LRRC75A: variants seen among roughly 807,000 people sequenced by gnomAD.
The protein encoded by LRRC75A is leucine-rich repeat-containing protein 75A.
LRRC75A carries 12 observed loss-of-function variants against 26.0 expected under a neutral mutation model. The observed-to-expected ratio is 0.46, with a 90% confidence interval of 0.30 to 0.75. LRRC75A has a LOEUF of 0.75. LRRC75A is among the 30% of genes least tolerant of loss of function. The pLI is 0.08. For missense variants in LRRC75A, 410 were observed against 486.6 expected (o/e 0.84, Z 1.48); for synonymous variants, 223 against 219.3 (o/e 1.02, Z -0.15).
In LRRC75A at chr17:16,446,693, GTGTGGGGAA is replaced by G. The variant is rs2143010511; in HGVS notation, c.491+1143_491+1151del. 2.0e-5 allele frequency among the ~76,000 whole-genome samples: 3 copies of G among 152,232 alleles called. No homozygotes were observed. In the South Asian group the frequency reaches 6.2e-4, roughly 32 times the overall value. On this transcript the variant is annotated intron_variant, in intron 3 of 3. Coordinates refer to ENST00000470794, the MANE Select transcript of LRRC75A (RefSeq NM_001113567.3). ...TGAAGAATGGACTGAGCATGGGTGT[GTGTGGGGAA>G]CCAGGAGAGGCCCTTAGGTTCCAGC...
At chr17:16,451,989 C>T (rs954414663) in intron 2 of LRRC75A, among the ~76,000 whole-genome samples, 16 of 150,848 alleles carry the variant, frequency 1.1e-4, no homozygotes, top group South Asian at 4.2e-4. Context: ...CCTTGTGATC[C>T]GCCCGCCTCG....
In LRRC75A at chr17:16,491,659, C is replaced by T. The variant is rs939451926; in HGVS notation, c.246+86G>A. 1 of 1,034,504 alleles carries T rather than the reference C, an allele frequency of 9.7e-7. No individual in the cohort carries two copies. The highest frequency in any genetic ancestry group is 1.2e-6 in the Non-Finnish European group (1 of 813,446). The allele number at this position is 1,034,504 out of a possible 1,614,324, so 64.1% of individuals were successfully genotyped here. On this transcript the variant is annotated intron_variant, in intron 1 of 3. Transcript: ENST00000470794. The surrounding 1 kb of genome is among the most constrained non-coding windows in gnomAD (Gnocchi z 5.9). ...GGGCGGTGCCCCTCGGTGCCCCCGG[C>T]TTCCTCGGTTAGGGATGGGGCGCCC...
At chr17:16,472,951 G>T (rs966090856) in intron 1 of LRRC75A, among the ~76,000 whole-genome samples, 2 of 152,112 alleles carry the variant, frequency 1.3e-5, no homozygotes, top group East Asian at 1.9e-4. Flanking sequence ...GATATTTAAA[G>T]AAATTTAATT....
At chr17:16,473,746 C>T (rs940623381) in intron 1 of LRRC75A, among the ~76,000 whole-genome samples, 2 of 152,214 alleles carry the variant, frequency 1.3e-5, no homozygotes, top group Non-Finnish European at 2.9e-5. Context: ...GACTCTCCCA[C>T]CTGTCCAAGG....
In LRRC75A at chr17:16,468,243, A is replaced by G. The variant is rs554817611; in HGVS notation, c.247-5857T>C. Among the ~76,000 whole-genome samples the G allele has an allele frequency of 4.6e-5, 7 of 152,344 alleles. No homozygotes were observed. In the East Asian group the frequency reaches 1.2e-3, roughly 25 times the overall value. ...ATACCCCAAAGAACTGAAAGCAGGC[A>G]CTCAAACAGCAGCTATGTTTCCAGC... On this transcript the variant is annotated intron_variant, in intron 1 of 3. Transcript: ENST00000470794.
intron 3 of LRRC75A, 113 bp downstream of exon 3, chr17:16,447,732 C>T: frequency 1.3e-6 from 1 of 766,448 alleles, no homozygotes; most frequent in Non-Finnish European, 2.0e-6. Flanking sequence ...CTTCAGGCAG[C>T]TTCTATGACC....
chr17:16,488,013 C>T (rs758566831), intron 1 of LRRC75A, among the ~76,000 whole-genome samples: 8 of 152,226 alleles, frequency 5.3e-5, no homozygotes, highest in African/African-American at 9.7e-5. Context: ...GGGAAACAGA[C>T]GCCTTTTTCT....
chr17:16,488,588 G>A (rs2093851462), intron 1 of LRRC75A, among the ~76,000 whole-genome samples: 1 of 152,236 alleles, frequency 6.6e-6, no homozygotes, highest in Non-Finnish European at 1.5e-5. Flanking sequence ...ACACAACTCA[G>A]AGAGGTTATC....
rs998021314 is a variant in LRRC75A at position 16,443,233 on chromosome 17, G to A, written c.*355C>T. 7.7e-6 allele frequency: 2 copies of A among 259,370 alleles called. No homozygotes were observed. The highest frequency in any genetic ancestry group is 1.5e-5 in the Non-Finnish European group (2 of 136,264). 16.1% of individuals were successfully genotyped at this position (259,370 alleles called of 1,614,324 possible). A position where few individuals can be genotyped will look rare whatever the true frequency, so the allele number is the denominator to read the frequency against. On this transcript the variant is annotated 3_prime_UTR_variant, in exon 4 of 4. Transcript: ENST00000470794. ...GGGCCCTACTGTATTCTTTTTCTGG[G>A]GGAAAGCTCTTGGTGTTCACAATGG...
At chr17:16,448,230 T>G in intron 2 of LRRC75A, 1 of 420,750 alleles carries the variant, frequency 2.4e-6, no homozygotes, top group Non-Finnish European at 4.5e-6. Flanking sequence ...AAAAGTTGGC[T>G]GGAGCCAAGT....
At chr17:16,468,042 C>T (rs1428263523) in intron 1 of LRRC75A, among the ~76,000 whole-genome samples, 1 of 152,172 alleles carries the variant, frequency 6.6e-6, no homozygotes, top group East Asian at 1.9e-4. Flanking sequence ...CAAAAAGCCC[C>T]GTAAAATCCC....
intron 1 of LRRC75A, among the ~76,000 whole-genome samples, chr17:16,471,530 G>C (rs1369291464): frequency 6.6e-6 from 1 of 152,210 alleles, no homozygotes; most frequent in African/African-American, 2.4e-5. Flanking sequence ...CCTCAGCCAA[G>C]AGCACAGCTG....
rs1038104570 is a variant in LRRC75A, at chr17:16,442,442, C to G, written c.*1146G>C. ...TCTTCCTGGACTGAACTACTTGGAT[C>G]TAGGGGTTGCCTGTTATTTAGAAGA... is the stretch of plus-strand genomic sequence containing the variant. On this transcript the variant is annotated 3_prime_UTR_variant, in exon 4 of 4. Coordinates refer to ENST00000470794, the MANE Select transcript of LRRC75A (RefSeq NM_001113567.3). 4 of 152,258 alleles carry G rather than the reference C, an allele frequency of 2.6e-5. No homozygotes were observed. Among genetic ancestry groups the G allele is most frequent in the African/African-American group, 9.6e-5 (4 of 41,456 alleles). 9.4% of individuals were successfully genotyped at this position (152,258 alleles called of 1,614,324 possible).
chr17:16,485,306 T>C (rs975695013), intron 1 of LRRC75A, among the ~76,000 whole-genome samples: 1 of 152,154 alleles, frequency 6.6e-6, no homozygotes, highest in Non-Finnish European at 1.5e-5. Flanking sequence ...AAGGTGATGG[T>C]ATCGGGAGGT....
intron 1 of LRRC75A, among the ~76,000 whole-genome samples, chr17:16,484,249 T>C (rs192141958): frequency 1.1e-3 from 164 of 152,208 alleles, no homozygotes; most frequent in Admixed American, 2.2e-3. Flanking sequence ...GGCAGGAGAA[T>C]TGCTTGAACC....
At chr17:16,451,482 G>C (rs575524466) in intron 2 of LRRC75A, among the ~76,000 whole-genome samples, 2 of 151,946 alleles carry the variant, frequency 1.3e-5, no homozygotes, top group South Asian at 4.1e-4. Flanking sequence ...TTAGCTGGGC[G>C]TGACGGCGGG....
intron 3 of LRRC75A, chr17:16,447,178 T>C (rs367736881): frequency 3.4e-5 from 8 of 236,190 alleles, no homozygotes; most frequent in South Asian, 2.7e-4. Context: ...CTTCCTACGG[T>C]GTTATCACAG....
chr17:16,443,735 GGGTAGGT>G lies in LRRC75A; in HGVS notation c.881_887del (p.His294ProfsTer21), dbSNP rs1334966269. The G allele has an allele frequency of 1.2e-6, 2 of 1,613,692 alleles. No homozygotes were observed. The highest frequency in any genetic ancestry group is 1.7e-6 in the Non-Finnish European group (2 of 1,179,806). On this transcript the variant is annotated frameshift_variant, in exon 4 of 4. Transcript: ENST00000470794. LOFTEE classifies it high-confidence loss of function. ...GGCCCTCACCCAGCTCCAGGATGGT[GGGTAGGT>G]GGCCCTGCTTTGGGGAGCGCTTGCG... is the stretch of plus-strand genomic sequence containing the variant.
chr17:16,490,971 T>A (rs1281124083), intron 1 of LRRC75A, among the ~76,000 whole-genome samples: 1 of 151,108 alleles, frequency 6.6e-6, no homozygotes, highest in Admixed American at 6.6e-5. Context: ...CACAGAGAGG[T>A]GAGTGATAGC....
Sources: allele counts gnomAD v4.1 joint callset (sites outside exome capture counted in the v4.1 genomes callset), GRCh38; gene constraint gnomAD v4.1.1; non-coding constraint Gnocchi (gnomAD v3.1); transcripts MANE v1.5; gene names NCBI Gene and HGNC (gene_info 2026-07-23, HGNC 2026-07-21).